CPNE4: variants seen among roughly 807,000 people sequenced by gnomAD.
CPNE4 encodes the protein copine-4.
CPNE4 carries 25 observed loss-of-function variants against 67.9 expected under a neutral mutation model. The observed-to-expected ratio is 0.37, with a 90% CI of 0.27 to 0.51. The LOEUF (loss-of-function observed/expected upper bound fraction) is 0.51. CPNE4 is among the 20% of genes least tolerant of loss of function. The pLI, the probability that CPNE4 is intolerant of heterozygous loss-of-function variation, is 0.93. For missense variants in CPNE4, 464 were observed against 690.8 expected (o/e 0.67, Z 3.68); for synonymous variants, 242 against 244.9 (o/e 0.99, Z 0.11).
At chr3:131,554,053 A>C (rs1280794909) in intron 12 of CPNE4, among the ~76,000 whole-genome samples, 1 of 152,054 alleles carries the variant, frequency 6.6e-6, no homozygotes, top group Non-Finnish European at 1.5e-5. Context: ...CATTAGTGAG[A>C]AAAAGGTATG....
chr3:131,795,661 T>A (rs1277684967), intron 2 of CPNE4, among the ~76,000 whole-genome samples: 1 of 152,174 alleles, frequency 6.6e-6, no homozygotes, highest in East Asian at 1.9e-4. Flanking sequence ...ATTAGGGGCT[T>A]TTGTGTCCTG....
chr3:131,888,673 G>T (rs2087992791), intron 2 of CPNE4, among the ~76,000 whole-genome samples: 1 of 152,162 alleles, frequency 6.6e-6, no homozygotes, highest in African/African-American at 2.4e-5. Context: ...TATCAGTATG[G>T]CTTCTCTGAG....
At chr3:131,777,122 G>A (rs914021542) in intron 2 of CPNE4, among the ~76,000 whole-genome samples, 1 of 152,092 alleles carries the variant, frequency 6.6e-6, no homozygotes, top group African/African-American at 2.4e-5. Flanking sequence ...AATCTAAACA[G>A]CACACATTAA....
chr3:131,841,050 A>G (rs1462401018), intron 2 of CPNE4, among the ~76,000 whole-genome samples: 4 of 152,212 alleles, frequency 2.6e-5, no homozygotes, highest in African/African-American at 9.7e-5. Context: ...AGTGTAGTCT[A>G]TCACCATACT....
intron 7 of CPNE4, among the ~76,000 whole-genome samples, chr3:131,656,358 T>A (rs1363781326): frequency 2.0e-5 from 3 of 152,190 alleles, no homozygotes; most frequent in Admixed American, 2.0e-4. Flanking sequence ...ACTGATGTGA[T>A]GGAAACATTA....
At chr3:131,864,293 A>G (rs201566971) in intron 2 of CPNE4, among the ~76,000 whole-genome samples, 9,851 of 148,996 alleles carry the variant, frequency 0.066, 449 homozygotes, top group East Asian at 0.15. Context: ...AAATTACCTT[A>G]GGCAGTATGG....
upstream of CPNE4, among the ~76,000 whole-genome samples, chr3:132,037,039 G>C (rs1349711668): frequency 6.6e-6 from 1 of 152,192 alleles, no homozygotes; most frequent in Non-Finnish European, 1.5e-5. Flanking sequence ...GGAGGATAGG[G>C]GTTGTTCATT....
intron 1 of CPNE4, among the ~76,000 whole-genome samples, chr3:131,923,903 C>G (rs929920157): frequency 1.7e-4 from 26 of 151,720 alleles, no homozygotes; most frequent in Non-Finnish European, 3.4e-4. Context: ...AAAGTAAGAC[C>G]CAGAATGAGA....
intron 2 of CPNE4, among the ~76,000 whole-genome samples, chr3:131,833,525 C>T (rs975041730): frequency 6.6e-6 from 1 of 152,068 alleles, no homozygotes; most frequent in African/African-American, 2.4e-5. Context: ...GAAACTCCAC[C>T]TCTACTAAAA....
At chr3:131,638,821 C>G (rs60759452) in intron 7 of CPNE4, among the ~76,000 whole-genome samples, 23,300 of 152,040 alleles carry the variant, frequency 0.15, 3,854 homozygotes, top group African/African-American at 0.42. Context: ...ATCAAGTACT[C>G]TCTCAGACCA....
At chr3:131,893,680 T>C (rs1259448686) in intron 2 of CPNE4, among the ~76,000 whole-genome samples, 2 of 151,846 alleles carry the variant, frequency 1.3e-5, no homozygotes, top group African/African-American at 4.8e-5. Context: ...ACTGTACAAA[T>C]ACATGGAAAT....
intron 1 of CPNE4, among the ~76,000 whole-genome samples, chr3:131,963,960 C>T (rs1413387845): frequency 1.3e-5 from 2 of 152,142 alleles, no homozygotes; most frequent in African/African-American, 4.8e-5. Flanking sequence ...TTGACAGGCA[C>T]CTCATACAGA....
chr3:131,615,915 A>G (rs1379378836), intron 7 of CPNE4, among the ~76,000 whole-genome samples: 1,672 of 98,064 alleles, frequency 0.017, 39 homozygotes, highest in African/African-American at 0.11. Flanking sequence ...ACACACACAC[A>G]CACACACACA....
intron 2 of CPNE4, among the ~76,000 whole-genome samples, chr3:131,778,403 C>T (rs994933357): frequency 6.6e-6 from 1 of 152,064 alleles, no homozygotes; most frequent in Non-Finnish European, 1.5e-5. Flanking sequence ...TCTTGTCTGG[C>T]ACTTACAAGT....
At chr3:131,639,475 C>G (rs773021903) in intron 7 of CPNE4, among the ~76,000 whole-genome samples, 7 of 152,024 alleles carry the variant, frequency 4.6e-5, no homozygotes, top group Non-Finnish European at 8.8e-5. Context: ...CATAGAATCT[C>G]TGAACAGATC....
intron 1 of CPNE4, among the ~76,000 whole-genome samples, chr3:131,927,174 T>C (rs1027487472): frequency 5.1e-4 from 78 of 152,334 alleles, no homozygotes; most frequent in African/African-American, 1.9e-3. Context: ...TAAATTAAGA[T>C]TCAAAGAATC....
chr3:131,722,854 C>T (rs2081922501), intron 3 of CPNE4, among the ~76,000 whole-genome samples: 1 of 152,220 alleles, frequency 6.6e-6, no homozygotes, highest in Non-Finnish European at 1.5e-5. Context: ...CCTAACACTG[C>T]TACTTATTAG....
intron 7 of CPNE4, among the ~76,000 whole-genome samples, chr3:131,605,641 A>G (rs1426421892): frequency 6.6e-6 from 1 of 152,166 alleles, no homozygotes; most frequent in East Asian, 1.9e-4. Context: ...TTAAGTAGCG[A>G]ATGAATGAAG....
In CPNE4 at chr3:131,698,909, CAAAAAAAAAAA is replaced by C. The variant is rs750798265; in HGVS notation, c.432+989_432+999del. ...TGGGTGACAGGCTGAGACACTGTCT[CAAAAAAAAAAA>C]AAAAAAAAAAAAATTGGTTTCTCTC... is the stretch of plus-strand genomic sequence containing the variant. On this transcript the variant is annotated intron_variant, in intron 4 of 15. Coordinates refer to ENST00000429747, the MANE Select transcript of CPNE4 (RefSeq NM_130808.3). Among the ~76,000 whole-genome samples the C allele has an allele frequency of 3.6e-4, 31 of 87,056 alleles. 1 individual carries two copies. The highest frequency in any genetic ancestry group is 1.4e-3 in the African/African-American group (29 of 20,980). 57.1% of individuals were successfully genotyped at this position (87,056 alleles called of 152,430 possible). A position where few individuals can be genotyped will look rare whatever the true frequency, so the allele number is the denominator to read the frequency against.
Sources: gnomAD v4.1 joint callset for allele counts (sites outside exome capture counted in the v4.1 genomes callset) on GRCh38, gnomAD v4.1.1 for gene constraint, MANE v1.5 for transcripts, NCBI Gene and HGNC (gene_info 2026-07-23, HGNC 2026-07-21) for gene names.